JAML: variants seen among roughly 807,000 people sequenced by gnomAD.
JAML encodes the protein junction adhesion molecule like.
In JAML, 25 loss-of-function variants were observed where a neutral mutation model predicts 39.3. The observed-to-expected ratio is 0.64, with a 90% CI of 0.46 to 0.89. The LOEUF (loss-of-function observed/expected upper bound fraction) is 0.89. JAML is among the 40% of genes least tolerant of loss of function. JAML has a pLI of 0.00. For missense variants in JAML, 440 were observed against 486.9 expected (o/e 0.90, Z 0.91); for synonymous variants, 162 against 179.2 (o/e 0.90, Z 0.77).
rs751527321 is a variant in JAML, at chr11:118,200,493, T to G, written c.892A>C (p.Lys298Gln). The G allele has an allele frequency of 4.3e-6, 7 of 1,614,104 alleles. No individual in the cohort carries two copies. The highest frequency in any genetic ancestry group is 5.9e-6 in the Non-Finnish European group (7 of 1,180,006). Reference protein sequence around the residue: ...LLPVLILIVKKTCGNKSSVNS... With the variant: ...LLPVLILIVKQTCGNKSSVNS... ...CTGTACCTCTTATTTCCACAGGTCT[T>G]CTTCACGATCAATATCAGAACAGGG... The change falls in exon 7 of 10, where the codon AAG (lysine) becomes CAG (glutamine). Residue 298 changes from lysine (K) to glutamine (Q), a missense_variant. Transcript: ENST00000356289.
At chr11:118,205,682 T>G in intron 5 of JAML, 200 bp downstream of exon 5, 2 of 563,996 alleles carry the variant, frequency 3.5e-6, no homozygotes, top group South Asian at 2.2e-5. Context: ...AAGTTAAGCA[T>G]CATCATCATC....
At chr11:118,199,380 C>T (rs11828646) in intron 7 of JAML, among the ~76,000 whole-genome samples, 3,425 of 152,184 alleles carry the variant, frequency 0.023, 143 homozygotes, top group African/African-American at 0.078. Flanking sequence ...AAAACCAAAT[C>T]AGGAAGCCCT....
chr11:118,195,312 G>A (rs1324777263), intron 9 of JAML, among the ~76,000 whole-genome samples: 1 of 152,124 alleles, frequency 6.6e-6, no homozygotes, highest in Non-Finnish European at 1.5e-5. Flanking sequence ...ATCCAGGCCA[G>A]GCCTCTGATC....
Position 118,205,924 on chromosome 11 carries a change from G to C in JAML, c.492C>G (p.His164Gln), listed in dbSNP as rs757328699. 20 of 1,613,944 alleles carry C rather than the reference G, an allele frequency of 1.2e-5. No homozygotes were observed. The highest frequency in any genetic ancestry group is 1.4e-5 in the Non-Finnish European group (17 of 1,179,988). ...GCVFQSTEVK[H>Q]VTKVEWIFSG... is the part of the protein sequence containing the mutation. ...AAAATATCCATTCTACCTTGGTCAC[G>C]TGTTTCACTTCTGTGCTCTGGAAAA... The change falls in exon 5 of 10, where the codon CAC becomes CAG. Residue 164 changes from histidine (H) to glutamine (Q), a missense_variant. Physicochemically the swap from His to Gln is conservative, Grantham distance 24 (BLOSUM62 0). Transcript: ENST00000356289.
rs147800653 is a variant in JAML at position 118,210,512 on chromosome 11, C to A, written c.399G>T (p.Leu133=). The A allele has an allele frequency of 1.2e-6, 2 of 1,614,092 alleles. No homozygotes were observed. Among genetic ancestry groups the A allele is most frequent in the Non-Finnish European group, 1.7e-6 (2 of 1,179,986 alleles). Residue 133 remains leucine (L), a synonymous_variant, in exon 4 of 10, where the codon CTG becomes CTT. Coordinates refer to ENST00000356289, the MANE Select transcript of JAML (RefSeq NM_001098526.2). ...ESQVFKKAVV[L]HVLPEEPKEL... is the part of the protein sequence containing the mutation. ...CTTTGGGCTCCTCTGGAAGCACATGCAGTACCACCGCCTTCTTGAACACCT... is the reference window on the plus strand; with the variant it reads ...CTTTGGGCTCCTCTGGAAGCACATGAAGTACCACCGCCTTCTTGAACACCT...
At chr11:118,218,251 G>A (rs1190825134) in intron 1 of JAML, among the ~76,000 whole-genome samples, 1 of 152,082 alleles carries the variant, frequency 6.6e-6, no homozygotes, top group Admixed American at 6.5e-5. Context: ...GAGCCACCAT[G>A]CCTGGCTAAT....
At chr11:118,213,060 G>A in intron 2 of JAML, 1 of 1,578,684 alleles carries the variant, frequency 6.3e-7, no homozygotes. Context: ...TGTAGGGCAG[G>A]TCCTTGTAAT....
chr11:118,208,101 C>CACAGATGT (rs1423785481), intron 4 of JAML, among the ~76,000 whole-genome samples: 1 of 151,882 alleles, frequency 6.6e-6, no homozygotes, highest in Non-Finnish European at 1.5e-5. Context: ...CATGGTGATG[C>CACAGATGT]ACACCTATGG....
In JAML at chr11:118,215,902, C is replaced by T. The variant is rs1949134156; in HGVS notation, c.-20-1016G>A. Among the ~76,000 whole-genome samples the T allele has an allele frequency of 2.0e-5, 3 of 152,180 alleles. No individual in the cohort carries two copies. The South Asian group carries it at 6.2e-4, about 32-fold the overall frequency. Reference sequence around the variant, plus strand: ...CAGTGCAACCAGTCTTGAGTTCCCACCTGCTACTGCTCCTGGCCTCAGCCG... The same window carrying T: ...CAGTGCAACCAGTCTTGAGTTCCCATCTGCTACTGCTCCTGGCCTCAGCCG... On this transcript the variant is annotated intron_variant, in intron 1 of 9. Transcript: ENST00000356289.
intron 4 of JAML, among the ~76,000 whole-genome samples, chr11:118,206,895 C>T (rs1242977393): frequency 6.6e-6 from 1 of 152,184 alleles, no homozygotes; most frequent in Non-Finnish European, 1.5e-5. Flanking sequence ...CAATGAAAGG[C>T]AGGGTGGTGT....
chr11:118,195,258 A>G (rs940223344), intron 9 of JAML, among the ~76,000 whole-genome samples: 8 of 152,144 alleles, frequency 5.3e-5, no homozygotes, highest in African/African-American at 1.9e-4. Context: ...AAATGATTCC[A>G]TTCAGCTGCA....
At chr11:118,213,065 T>C (rs530335936) in intron 2 of JAML, 15 of 1,570,000 alleles carry the variant, frequency 9.6e-6, no homozygotes, top group Admixed American at 5.5e-5. Flanking sequence ...GGCAGGTCCT[T>C]GTAATTAGGC....
chr11:118,210,769 G>A (rs941020607), intron 3 of JAML, 57 bp from the exon 4 acceptor site: 11 of 1,424,044 alleles, frequency 7.7e-6, no homozygotes, highest in Admixed American at 3.4e-5. Flanking sequence ...CGAGGAGCCT[G>A]GATCCCAAAG....
intron 3 of JAML, 144 bp downstream of exon 3, chr11:118,212,263 G>T (rs1438448746): frequency 1.4e-5 from 14 of 986,982 alleles, no homozygotes; most frequent in Non-Finnish European, 2.0e-5. Context: ...CCTGAGCTAG[G>T]ACGAGGCCCA....
At chr11:118,220,253 C>T (rs1044546766) in intron 1 of JAML, among the ~76,000 whole-genome samples, 11 of 152,158 alleles carry the variant, frequency 7.2e-5, no homozygotes, top group Non-Finnish European at 1.3e-4. Context: ...ATACCTGAAC[C>T]GATTATCCGG....
intron 9 of JAML, 38 bp from the exon 10 acceptor site, chr11:118,194,455 TAAG>T: frequency 2.0e-6 from 3 of 1,533,976 alleles, no homozygotes; most frequent in Non-Finnish European, 1.8e-6. Context: ...AACATGCTTG[TAAG>T]AAGTAGTTCC....
chr11:118,196,703 C>T, intron 9 of JAML, 32 bp downstream of exon 9: 2 of 1,574,240 alleles, frequency 1.3e-6, no homozygotes, highest in Non-Finnish European at 1.7e-6. Flanking sequence ...GCCTCTGACA[C>T]CTGGCTCAGC....
rs781271708 is a variant in JAML, at chr11:118,212,397, C to T, written c.198+10G>A. ...GCTTCTATTACATAGTGATGTTTCC[C>T]CCGCGTTACCTTGGCGTGCTCTCCT... On this transcript the variant is annotated intron_variant, in intron 3 of 9. Coordinates refer to ENST00000356289, the MANE Select transcript of JAML (RefSeq NM_001098526.2). 1.2e-6 allele frequency: 2 copies of T among 1,613,342 alleles called. No homozygotes were observed. Among genetic ancestry groups the T allele is most frequent in the South Asian group, 2.2e-5 (2 of 91,056 alleles).
At chr11:118,205,692 C>T (rs1471477720) in intron 5 of JAML, 190 bp downstream of exon 5, 1 of 580,566 alleles carries the variant, frequency 1.7e-6, no homozygotes, top group East Asian at 2.9e-5. Context: ...TCATCATCAT[C>T]TTCTTGTTCT....
Sources: allele counts gnomAD v4.1 joint callset (sites outside exome capture counted in the v4.1 genomes callset), GRCh38; gene constraint gnomAD v4.1.1; transcripts MANE v1.5; gene names NCBI Gene and HGNC (gene_info 2026-07-23, HGNC 2026-07-21).